Variants in R3HDM1 observed in about 807,000 individuals in gnomAD.
R3HDM1 encodes the protein R3H domain containing 1.
A neutral mutation model predicts 141.1 loss-of-function variants in R3HDM1; 46 were observed. The observed-to-expected ratio is 0.33, with a 90% CI of 0.26 to 0.42. The LOEUF (loss-of-function observed/expected upper bound fraction) is 0.42. Among genes scored for constraint, R3HDM1 ranks in the 10% least tolerant of loss-of-function variants. The pLI is 1.00. For missense variants in R3HDM1, 1,184 were observed against 1,368.3 expected, an observed-to-expected ratio of 0.87 and a Z score of 2.12; for synonymous variants, 435 against 472.9, an observed-to-expected ratio of 0.92 and a Z score of 1.04.
At chr2:135,662,175 G>A (rs1038007005) in intron 19 of R3HDM1, among the ~76,000 whole-genome samples, 5 of 152,126 alleles carry the variant, frequency 3.3e-5, no homozygotes, top group Non-Finnish European at 7.3e-5. Flanking sequence ...TTTTATCATT[G>A]GTTTCTTTAG....
At chr2:135,564,276 A>C (rs757205597) in intron 1 of R3HDM1, among the ~76,000 whole-genome samples, 1 of 152,216 alleles carries the variant, frequency 6.6e-6, no homozygotes, top group Non-Finnish European at 1.5e-5. Flanking sequence ...TGAAATGTGC[A>C]TTCTGCAAAT....
intron 18 of R3HDM1, among the ~76,000 whole-genome samples, chr2:135,658,060 T>C (rs2066151572): frequency 6.6e-6 from 1 of 152,276 alleles, no homozygotes; most frequent in South Asian, 2.1e-4. Context: ...CTGTACTAAA[T>C]ACTGTAGGCA....
At chr2:135,546,963 C>T (rs191958132) in intron 1 of R3HDM1, among the ~76,000 whole-genome samples, 95 of 152,164 alleles carry the variant, frequency 6.2e-4, no homozygotes, top group African/African-American at 2.1e-3. Flanking sequence ...TGAGCCACCG[C>T]GCCCAGCCAA....
At chr2:135,607,876 A>C (rs1299371262) in intron 3 of R3HDM1, 1 of 983,534 alleles carries the variant, frequency 1.0e-6, no homozygotes, top group Non-Finnish European at 1.2e-6. Context: ...CATAGTAAAC[A>C]AACATGGGTA....
Position 135,631,858 on chromosome 2 carries a change from T to C in R3HDM1, c.558-3T>C. Reference sequence around the variant, plus strand: ...ACTAAGTTGGTTTTTCTTGTGCTTCTAGGTCTCCACGTAAAAAATTCCCCC... The same window carrying C: ...ACTAAGTTGGTTTTTCTTGTGCTTCCAGGTCTCCACGTAAAAAATTCCCCC... On this transcript the variant is annotated splice_region_variant and splice_polypyrimidine_tract_variant and intron_variant, in intron 8 of 26. Coordinates refer to ENST00000683871, the MANE Select transcript of R3HDM1 (RefSeq NM_001378107.1). 1.2e-6 allele frequency: 2 copies of C among 1,605,378 alleles called. No homozygotes were observed. The highest frequency in any genetic ancestry group is 1.7e-6 in the Non-Finnish European group (2 of 1,176,544).
At chr2:135,548,502 A>G (rs568613285) in intron 1 of R3HDM1, among the ~76,000 whole-genome samples, 3 of 152,330 alleles carry the variant, frequency 2.0e-5, no homozygotes, top group African/African-American at 4.8e-5. Context: ...ATACATGTCT[A>G]CAACCCATAC....
intron 21 of R3HDM1, among the ~76,000 whole-genome samples, chr2:135,696,657 A>AAT (rs1348110502): frequency 1.3e-5 from 2 of 151,680 alleles, no homozygotes; most frequent in African/African-American, 4.8e-5. Flanking sequence ...ACACCTGGCT[A>AAT]ATTTTTTAAT....
At chr2:135,709,636 G>T (rs2075395904) in intron 22 of R3HDM1, 100 bp downstream of exon 22, 10 of 1,392,022 alleles carry the variant, frequency 7.2e-6, no homozygotes, top group Middle Eastern at 1.8e-4. Flanking sequence ...AATTTGTGAT[G>T]TGCTGAAATA....
intron 11 of R3HDM1, 42 bp downstream of exon 11, chr2:135,636,225 C>G: frequency 6.3e-7 from 1 of 1,583,954 alleles, no homozygotes; most frequent in Non-Finnish European, 8.6e-7. Context: ...AGAGTATATT[C>G]TAATTACGTT....
At chr2:135,670,388 A>G in intron 19 of R3HDM1, 1 of 976,802 alleles carries the variant, frequency 1.0e-6, no homozygotes, top group Non-Finnish European at 1.2e-6. Context: ...CTGAAAGTAC[A>G]GTAAAGATCA....
intron 19 of R3HDM1, among the ~76,000 whole-genome samples, chr2:135,662,282 A>T (rs987557050): frequency 6.6e-6 from 1 of 152,178 alleles, no homozygotes; most frequent in African/African-American, 2.4e-5. Context: ...GAGGCTGTTT[A>T]CTGCTCTTGA....
chr2:135,551,109 T>C (rs78106799), intron 1 of R3HDM1, among the ~76,000 whole-genome samples: 4,508 of 152,306 alleles, frequency 0.03, 210 homozygotes, highest in African/African-American at 0.1. Context: ...AGGAAATCTA[T>C]AATTTCCTCA....
rs753484095 is a variant in R3HDM1, at chr2:135,641,744, A to T, written c.1428A>T (p.Glu476Asp). ...PSTSFFLLPL[E>D]AAGIPPGSIL... ...CTAGCTTCTTTTTGCTTCCCTTGGA[A>T]GCGGCAGGCATACCACCTGGCAGTA... is the stretch of plus-strand genomic sequence containing the variant. The change falls in exon 15 of 27, where the codon GAA (glutamate) becomes GAT (aspartate). Residue 476 changes from glutamate to aspartate, a missense_variant. Glu to Asp is a conservative substitution (Grantham distance 45). This residue lies in a region of R3HDM1 where 563 missense variants were observed against 562.0 expected (regional missense o/e 1.00). Transcript: ENST00000683871. 17 of 1,614,046 alleles carry T rather than the reference A, an allele frequency of 1.1e-5. No homozygotes were observed. In the South Asian group the frequency reaches 1.9e-4, roughly 18 times the overall value.
chr2:135,680,186 A>G lies in R3HDM1; in HGVS notation c.2321A>G (p.Gln774Arg). The G allele has an allele frequency of 1.2e-6, 2 of 1,613,586 alleles. No individual in the cohort carries two copies. The highest frequency in any genetic ancestry group is 2.2e-5 in the South Asian group (2 of 90,996). The change falls in exon 21 of 27, where the codon CAA (glutamine) becomes CGA (arginine). Residue 774 changes from glutamine to arginine, a missense_variant. Transcript: ENST00000683871. Reference protein sequence around the residue: ...SVPTYQVSLPQGSQGIPHQTY... With the variant: ...SVPTYQVSLPRGSQGIPHQTY... ...TTCAAATTTTAGGTTTCACTGCCTC[A>G]AGGTTCTCAAGGAATTCCCCATCAG...
chr2:135,680,236 C>G lies in R3HDM1; in HGVS notation c.2371C>G (p.Pro791Ala). Residue 791 changes from proline to alanine, a missense_variant, in exon 21 of 27, where the codon CCT becomes GCT. Coordinates refer to ENST00000683871, the MANE Select transcript of R3HDM1 (RefSeq NM_001378107.1). ...GACTTATCAACAGCCTGTTATGTTC[C>G]CTAATCAGTCTAATCAAGGATCTAT... ...HQTYQQPVMF[P>A]NQSNQGSMPT... The G allele has an allele frequency of 6.2e-7, 1 of 1,613,520 alleles. No homozygotes were observed. The highest frequency in any genetic ancestry group is 8.5e-7 in the Non-Finnish European group (1 of 1,179,522).
chr2:135,632,138 C>T, intron 9 of R3HDM1, 137 bp downstream of exon 9: 1 of 726,336 alleles, frequency 1.4e-6, no homozygotes, highest in Non-Finnish European at 2.0e-6. Flanking sequence ...TGTGATAGGA[C>T]TGAAAAACAC....
intron 1 of R3HDM1, among the ~76,000 whole-genome samples, chr2:135,552,522 T>C (rs1700023880): frequency 6.6e-6 from 1 of 152,094 alleles, no homozygotes; most frequent in Admixed American, 6.6e-5. Context: ...TTCTTCACAG[T>C]ATAGACTAAG....
intron 19 of R3HDM1, among the ~76,000 whole-genome samples, chr2:135,662,721 C>G (rs981053134): frequency 2.6e-5 from 4 of 152,128 alleles, no homozygotes; most frequent in Admixed American, 6.5e-5. Flanking sequence ...AAGTTATTCT[C>G]TATTCGTGGG....
intron 1 of R3HDM1, among the ~76,000 whole-genome samples, chr2:135,562,246 T>C (rs1300799832): frequency 1.3e-5 from 2 of 152,220 alleles, no homozygotes; most frequent in Non-Finnish European, 2.9e-5. Flanking sequence ...TTACATTTGA[T>C]CTTTCTAGCC....
Sources: allele counts gnomAD v4.1 joint callset (sites outside exome capture counted in the v4.1 genomes callset), GRCh38; gene constraint gnomAD v4.1.1; regional missense constraint gnomAD v4.1.1; transcripts MANE v1.5; gene names NCBI Gene and HGNC (gene_info 2026-07-23, HGNC 2026-07-21).